The following ZNF142 variants were observed in gnomAD, a reference collection of about 807,000 sequenced individuals.
The protein encoded by ZNF142 is zinc finger protein 142.
A neutral mutation model predicts 132.1 loss-of-function variants in ZNF142; 96 were observed. The observed-to-expected ratio is 0.73, with a 90% CI of 0.62 to 0.86. The LOEUF (loss-of-function observed/expected upper bound fraction) is 0.86. Ranked by LOEUF, ZNF142 falls within the 40% of genes least tolerant of loss-of-function variation. The pLI, the probability that ZNF142 is intolerant of heterozygous loss-of-function variation, is 0.00. For synonymous variants in ZNF142, 842 were observed against 890.1 expected, an observed-to-expected ratio of 0.95 and a Z score of 0.96; for missense variants, 2,163 against 2,336.2, an observed-to-expected ratio of 0.93 and a Z score of 1.53.
At position 218,636,596 on chromosome 2, in the gene ZNF142, A is replaced by G; in HGVS notation, c.*1743T>C. 1 of 1,609,878 alleles carries G rather than the reference A, an allele frequency of 6.2e-7. No individual in the cohort carries two copies. The highest frequency in any genetic ancestry group is 8.5e-7 in the Non-Finnish European group (1 of 1,176,430). On this transcript the variant is annotated 3_prime_UTR_variant, in exon 11 of 11. Coordinates refer to ENST00000411696, the MANE Select transcript of ZNF142 (RefSeq NM_001379659.1). ...GTCCTGAGGTGGGCATTTCACGGGA[A>G]GGGTTGGTGTGCTGGCTTTAGACGG...
chr2:218,645,140 T>TGA, intron 8 of ZNF142, 76 bp from the exon 9 acceptor site: 1 of 1,543,870 alleles, frequency 6.5e-7, no homozygotes, highest in Non-Finnish European at 8.7e-7. Flanking sequence ...AAATACTTAC[T>TGA]GTGGGCCAGG....
Position 218,651,836 on chromosome 2 carries a change from G to C in ZNF142, c.745C>G (p.Pro249Ala). The C allele has an allele frequency of 1.6e-6, 2 of 1,289,858 alleles. No individual in the cohort carries two copies. The highest frequency in any genetic ancestry group is 2.0e-6 in the Non-Finnish European group (2 of 988,856). 79.9% of individuals were successfully genotyped at this position (1,289,858 alleles called of 1,614,324 possible). Residue 249 changes from proline to alanine, a missense_variant, in exon 5 of 11, where the codon CCT becomes GCT. Pro to Ala is a conservative substitution (Grantham distance 27, BLOSUM62 -1). Transcript: ENST00000411696. ...GMELHRQAHY[P>A]FHCSHCSFIG... ...AAGCTGCAGTGGCTGCAGTGGAAAGGGTAATGCGCCTGCCGGTGCAGCTCC... is the reference window on the plus strand; with the variant it reads ...AAGCTGCAGTGGCTGCAGTGGAAAGCGTAATGCGCCTGCCGGTGCAGCTCC...
In ZNF142 at chr2:218,642,707, T is replaced by C. The variant is rs78805745; in HGVS notation, c.4409A>G (p.His1470Arg). The change falls in exon 9 of 11, where the codon CAT (histidine) becomes CGT (arginine). Residue 1470 changes from histidine to arginine, a missense_variant. Transcript: ENST00000411696. The surrounding 1 kb of genome is among the most constrained non-coding windows in gnomAD (Gnocchi z 4.6). ...GCTGTTGACATGACGAGTGATGTCA[T>C]GGCGAAGGTAGCCACTATAGTCACA... The part of the protein sequence containing the change: ...PLCDYSGYLR[H>R]DITRHVNSCH... 2 of 1,613,922 alleles carry C rather than the reference T, an allele frequency of 1.2e-6. No homozygotes were observed. The highest frequency in any genetic ancestry group is 2.2e-5 in the East Asian group (1 of 44,900).
chr2:218,656,532 T>A, intron 3 of ZNF142, 69 bp from the exon 4 acceptor site: 1 of 1,231,762 alleles, frequency 8.1e-7, no homozygotes, highest in Non-Finnish European at 1.1e-6. Context: ...CTGGCGTGGG[T>A]ACACAGCCCA....
Position 218,634,130 on chromosome 2 carries a change from T to C in ZNF142, c.*4209A>G, listed in dbSNP as rs946392314. 3 of 1,612,020 alleles carry C rather than the reference T, an allele frequency of 1.9e-6. No homozygotes were observed. On this transcript the variant is annotated 3_prime_UTR_variant, in exon 11 of 11. Transcript: ENST00000411696. The surrounding 1 kb of genome is among the most constrained non-coding windows in gnomAD (Gnocchi z 4.0). Reference sequence around the variant, plus strand: ...GCAATGAGTTTGTGCAGCACAATACTTGGCAGTTAAGCCGTGTGTATCCCA... The same window carrying C: ...GCAATGAGTTTGTGCAGCACAATACCTGGCAGTTAAGCCGTGTGTATCCCA...
chr2:218,649,937 A>G (rs746817442), intron 6 of ZNF142, among the ~76,000 whole-genome samples: 2 of 152,226 alleles, frequency 1.3e-5, no homozygotes, highest in African/African-American at 2.4e-5. Flanking sequence ...TATTCACTTG[A>G]TAACTATGCT....
intron 9 of ZNF142, 132 bp downstream of exon 9, chr2:218,641,896 T>C: frequency 8.4e-7 from 1 of 1,189,180 alleles, no homozygotes; most frequent in East Asian, 2.6e-5. Flanking sequence ...ATGAAGAATC[T>C]GAGGCTTGGT....
chr2:218,654,785 A>T (rs928614062), intron 4 of ZNF142, among the ~76,000 whole-genome samples: 1 of 48,166 alleles, frequency 2.1e-5, no homozygotes, highest in Non-Finnish European at 8.3e-5. Flanking sequence ...TTCCCATTTA[A>T]AAAAAAAAAA....
intron 9 of ZNF142, 139 bp from the exon 10 acceptor site, chr2:218,640,908 A>T (rs1224812531): frequency 9.0e-6 from 6 of 669,936 alleles, no homozygotes; most frequent in Non-Finnish European, 1.5e-5. Context: ...GTTTTTCTTA[A>T]TCTTCAGTTT....
chr2:218,638,132 T>C lies in ZNF142; in HGVS notation c.*207A>G. 1 of 429,474 alleles carries C rather than the reference T, an allele frequency of 2.3e-6. No homozygotes were observed. The allele number at this position is 429,474 out of a possible 1,614,324, so 26.6% of individuals were successfully genotyped here. ...AGGTTAAAAACGCAATGTACAGCAA[T>C]AAGAAATCAACGTTATAGTCCATGT... is the stretch of plus-strand genomic sequence containing the variant. On this transcript the variant is annotated 3_prime_UTR_variant, in exon 11 of 11. Coordinates refer to ENST00000411696, the MANE Select transcript of ZNF142 (RefSeq NM_001379659.1).
In ZNF142 at chr2:218,644,372, ACCT is replaced by A. The variant is rs780505470; in HGVS notation, c.2741_2743del (p.Glu914del). The A allele has an allele frequency of 6.9e-5, 112 of 1,613,700 alleles. 1 individual carries two copies. In the African/African-American group the frequency reaches 1.3e-3, roughly 18 times the overall value. ...GAACTCCATAGGGGCTGTTTCAGTG[ACCT>A]CCTCAAGGGGTGGCTCAGTCACAGA... is the stretch of plus-strand genomic sequence containing the variant. On this transcript the variant is annotated inframe_deletion, in exon 9 of 11. Coordinates refer to ENST00000411696, the MANE Select transcript of ZNF142 (RefSeq NM_001379659.1). This position sits in a 1 kb window ranked among gnomAD's most constrained non-coding sequence, Gnocchi z 4.6.
Position 218,638,697 on chromosome 2 carries a change from T to C in ZNF142, c.5306A>G (p.Gln1769Arg), listed in dbSNP as rs200757676. Reference protein sequence around the residue: ...HREARAFMCEQCGKAFKTRFL... With the variant: ...HREARAFMCERCGKAFKTRFL... ...GCGCGTCTTGAAGGCCTTGCCACACTGCTCACACATGAAAGCCCGTGCTTC... is the reference window on the plus strand; with the variant it reads ...GCGCGTCTTGAAGGCCTTGCCACACCGCTCACACATGAAAGCCCGTGCTTC... The change falls in exon 11 of 11, where the codon CAG (glutamine) becomes CGG (arginine). Residue 1769 changes from glutamine (Q) to arginine (R), a missense_variant. Physicochemically the swap from Gln to Arg is conservative, Grantham distance 43. This residue lies in a region of ZNF142 where 325 missense variants were observed against 367.8 expected (regional missense o/e 0.88). Coordinates refer to ENST00000411696, the MANE Select transcript of ZNF142 (RefSeq NM_001379659.1). The C allele has an allele frequency of 3.1e-4, 502 of 1,614,182 alleles. No homozygotes were observed. Among genetic ancestry groups the C allele is most frequent in the Admixed American group, 4.3e-4 (26 of 60,032 alleles).
Position 218,643,734 on chromosome 2 carries a change from G to C in ZNF142, c.3382C>G (p.Pro1128Ala). Residue 1128 changes from proline (P) to alanine (A), a missense_variant, in exon 9 of 11, where the codon CCT (proline) becomes GCT (alanine). Pro to Ala is a conservative substitution (Grantham distance 27, BLOSUM62 -1). Coordinates refer to ENST00000411696, the MANE Select transcript of ZNF142 (RefSeq NM_001379659.1). ...AGTAGCTCTGCTTCTTGTGATGCAG[G>C]TGGGGGCTTCCCACTTTCTGTGTCC... ...SEDTESGKPP[P>A]ASQEAELLLP... The C allele has an allele frequency of 6.2e-7, 1 of 1,608,870 alleles. No homozygotes were observed. Among genetic ancestry groups the C allele is most frequent in the Non-Finnish European group, 8.5e-7 (1 of 1,177,852 alleles).
At position 218,644,316 on chromosome 2, in the gene ZNF142, G is replaced by T; in HGVS notation, c.2800C>A (p.Leu934Met). Residue 934 changes from leucine (L) to methionine (M), a missense_variant, in exon 9 of 11, where the codon CTG becomes ATG. Transcript: ENST00000411696. The surrounding 1 kb of genome is among the most constrained non-coding windows in gnomAD (Gnocchi z 4.6). ...RPLGLEGPDGLEGPELSSFEG... is the reference protein window; with the variant it reads ...RPLGLEGPDGMEGPELSSFEG... The stretch of plus-strand genomic sequence containing the variant: ...AAGCTAGATAGCTCTGGTCCTTCCA[G>T]TCCATCTGGCCCTTCCAGTCCCAGG... 6 of 1,614,122 alleles carry T rather than the reference G, an allele frequency of 3.7e-6. No homozygotes were observed. Among genetic ancestry groups the T allele is most frequent in the Non-Finnish European group, 5.1e-6 (6 of 1,180,008 alleles).
rs1186719329 is a variant in ZNF142, at chr2:218,644,894, G to A, written c.2222C>T (p.Ala741Val). The change falls in exon 9 of 11, where the codon GCC becomes GTC. Residue 741 changes from alanine (A) to valine (V), a missense_variant. By Grantham distance (64) the Ala-to-Val change is moderately conservative (BLOSUM62 0). This residue lies in a region of ZNF142 where 749 missense variants were observed against 830.3 expected (regional missense o/e 0.90). Coordinates refer to ENST00000411696, the MANE Select transcript of ZNF142 (RefSeq NM_001379659.1). This position sits in a 1 kb window ranked among gnomAD's most constrained non-coding sequence, Gnocchi z 4.6. ...GCAGTAGTGGCAAGGGTAGAGTGGG[G>A]CCGGTGTGCCAGGGTGGTGCTGGGA... is the stretch of plus-strand genomic sequence containing the variant. ...MASQHHPGTPAPLYPCHYCSY... is the reference protein window; with the variant it reads ...MASQHHPGTPVPLYPCHYCSY... The A allele has an allele frequency of 6.2e-6, 10 of 1,614,092 alleles. No individual in the cohort carries two copies. Among genetic ancestry groups the A allele is most frequent in the Non-Finnish European group, 8.5e-6 (10 of 1,179,956 alleles).
intron 9 of ZNF142, among the ~76,000 whole-genome samples, 161 bp from the exon 10 acceptor site, chr2:218,640,930 ATT>A (rs34502703): frequency 6.0e-4 from 81 of 135,020 alleles, no homozygotes; most frequent in Middle Eastern, 3.9e-3. Context: ...CTTGCTAGGG[ATT>A]TTTTTTTTTT....
rs1696786589 is a variant in ZNF142 at position 218,636,811 on chromosome 2, T to C, written c.*1528A>G. 1 of 598,454 alleles carries C rather than the reference T, an allele frequency of 1.7e-6. No individual in the cohort carries two copies. Among genetic ancestry groups the C allele is most frequent in the Admixed American group, 2.3e-5 (1 of 43,738 alleles). The allele number at this position is 598,454 out of a possible 1,614,324, so 37.1% of individuals were successfully genotyped here. ...AAGCCTTTGGTATCTTTCCTGCCCT[T>C]TTCCTTTGTGTACTCTATACTGGAG... On this transcript the variant is annotated 3_prime_UTR_variant, in exon 11 of 11. Coordinates refer to ENST00000411696, the MANE Select transcript of ZNF142 (RefSeq NM_001379659.1).
intron 4 of ZNF142, among the ~76,000 whole-genome samples, chr2:218,653,362 G>A (rs1938195235): frequency 6.6e-6 from 1 of 152,022 alleles, no homozygotes; most frequent in African/African-American, 2.4e-5. Context: ...TGGATCACCT[G>A]AGGTTGGGAG....
rs372800121 is a variant in ZNF142 at position 218,642,150 on chromosome 2, C to T, written c.4966G>A (p.Asp1656Asn). Residue 1656 changes from aspartate (D) to asparagine (N), a missense_variant, in exon 9 of 11, where the codon GAT becomes AAT. Around this residue, in one of 7 missense-constraint regions of ZNF142, gnomAD observed 325 missense variants for 367.8 expected, o/e 0.88. Coordinates refer to ENST00000411696, the MANE Select transcript of ZNF142 (RefSeq NM_001379659.1). The surrounding 1 kb of genome is among the most constrained non-coding windows in gnomAD (Gnocchi z 4.6). ...HGGTRLYKCT[D>N]CAYSTKNRQK... Reference sequence around the variant, plus strand: ...CGGTTCTTGGTGCTGTAAGCACAATCGGTGCACTTGTAGAGACGAGTGCCC... The same window carrying T: ...CGGTTCTTGGTGCTGTAAGCACAATTGGTGCACTTGTAGAGACGAGTGCCC... 19 of 1,614,042 alleles carry T rather than the reference C, an allele frequency of 1.2e-5. No homozygotes were observed. Among genetic ancestry groups the T allele is most frequent in the African/African-American group, 8.0e-5 (6 of 74,916 alleles).
Sources: gnomAD v4.1 joint callset for allele counts (sites outside exome capture counted in the v4.1 genomes callset) on GRCh38, gnomAD v4.1.1 for gene constraint, gnomAD v4.1.1 regional missense constraint, Gnocchi (gnomAD v3.1) non-coding constraint, MANE v1.5 for transcripts, NCBI Gene and HGNC (gene_info 2026-07-23, HGNC 2026-07-21) for gene names.